Variants in EIF4ENIF1 observed in about 807,000 individuals in gnomAD.
EIF4ENIF1 encodes the protein eukaryotic translation initiation factor 4E transporter.
Under a neutral mutation model 110.5 loss-of-function variants are expected in EIF4ENIF1, and 23 were observed. The ratio of observed to expected loss-of-function variants is 0.21; its 90% CI spans 0.15 to 0.29. The LOEUF (loss-of-function observed/expected upper bound fraction) is 0.29. Ranked by LOEUF, EIF4ENIF1 falls within the 10% of genes least tolerant of loss-of-function variation. The pLI is 1.00. For missense variants in EIF4ENIF1, 1,031 were observed against 1,221.1 expected (o/e 0.84, Z 2.32); for synonymous variants, 440 against 437.0 (o/e 1.01, Z -0.09).
chr22:31,486,920 T>A (rs1415800321), intron 2 of EIF4ENIF1, among the ~76,000 whole-genome samples: 17 of 141,788 alleles, frequency 1.2e-4, no homozygotes, highest in South Asian at 1.1e-3. Context: ...GTCTCTACTA[T>A]AAAAAAAAAA....
downstream of EIF4ENIF1, chr22:31,436,973 T>A (rs566329027): frequency 6.6e-6 from 1 of 152,250 alleles, no homozygotes; most frequent in Non-Finnish European, 1.5e-5. Context: ...TTATCGTCAT[T>A]CTTGGTTTGT....
At chr22:31,484,335 A>G (rs868416391) in intron 2 of EIF4ENIF1, among the ~76,000 whole-genome samples, 1 of 152,148 alleles carries the variant, frequency 6.6e-6, no homozygotes, top group Non-Finnish European at 1.5e-5. Context: ...TGACCAAAAC[A>G]TTTATACTTC....
chr22:31,442,196 C>G, intron 16 of EIF4ENIF1, 78 bp from the exon 17 acceptor site: 1 of 1,141,974 alleles, frequency 8.8e-7, no homozygotes, highest in Non-Finnish European at 1.3e-6. Flanking sequence ...TAATAAATCT[C>G]ATTTCTTAAG....
intron 2 of EIF4ENIF1, among the ~76,000 whole-genome samples, chr22:31,485,738 A>T (rs1435964154): frequency 6.6e-6 from 1 of 152,036 alleles, no homozygotes; most frequent in Non-Finnish European, 1.5e-5. Context: ...CGGGAAGCGG[A>T]GGTTGCAGTG....
At chr22:31,444,933 C>A (rs1319328638) in intron 14 of EIF4ENIF1, among the ~76,000 whole-genome samples, 2 of 152,130 alleles carry the variant, frequency 1.3e-5, no homozygotes, top group Non-Finnish European at 2.9e-5. Context: ...GAGACAATCA[C>A]CTAGAGCAAA....
chr22:31,463,633 C>T (rs775527482), intron 5 of EIF4ENIF1, 48 bp downstream of exon 5: 231 of 1,464,660 alleles, frequency 1.6e-4, no homozygotes, highest in Admixed American at 2.4e-4. Context: ...GCAACAAGAG[C>T]GAAACTCCGT....
At chr22:31,443,218 G>A in intron 15 of EIF4ENIF1, 124 bp from the exon 16 acceptor site, 2 of 1,369,562 alleles carry the variant, frequency 1.5e-6, no homozygotes, top group Non-Finnish European at 2.0e-6. Context: ...GCCAACTGTA[G>A]TATTCTGTTC....
intron 2 of EIF4ENIF1, among the ~76,000 whole-genome samples, chr22:31,485,885 G>A (rs958088492): frequency 1.3e-5 from 2 of 152,148 alleles, no homozygotes; most frequent in African/African-American, 2.4e-5. Context: ...GGAGGCCTAG[G>A]TGGGTGGATC....
At chr22:31,483,182 G>GAAT (rs1443745134) in intron 2 of EIF4ENIF1, among the ~76,000 whole-genome samples, 12 of 144,856 alleles carry the variant, frequency 8.3e-5, no homozygotes, top group Admixed American at 7.7e-4. Context: ...AGAAAAAGTT[G>GAAT]AATGAGCACC....
At chr22:31,440,665 A>C in intron 18 of EIF4ENIF1, 39 bp downstream of exon 18, 2 of 1,598,084 alleles carry the variant, frequency 1.3e-6, no homozygotes, top group South Asian at 1.1e-5. Context: ...AGACTCCCTA[A>C]GTCCGTCCCA....
At chr22:31,452,479 A>G (rs1455385036) in intron 10 of EIF4ENIF1, among the ~76,000 whole-genome samples, 1 of 152,150 alleles carries the variant, frequency 6.6e-6, no homozygotes, top group Non-Finnish European at 1.5e-5. Context: ...CATCAAACCA[A>G]CTGCCCTTAC....
rs1391498225 is a variant in EIF4ENIF1 at position 31,440,116 on chromosome 22, G to A, written c.2722C>T (p.His908Tyr). 1 of 1,614,190 alleles carries A rather than the reference G, an allele frequency of 6.2e-7. No individual in the cohort carries two copies. Among genetic ancestry groups the A allele is most frequent in the Admixed American group, 1.7e-5 (1 of 60,026 alleles). The change falls in exon 19 of 19, where the codon CAT becomes TAT. Residue 908 changes from histidine (H) to tyrosine (Y), a missense_variant. This residue lies in a region of EIF4ENIF1 where 309 missense variants were observed against 299.1 expected (regional missense o/e 1.03). Coordinates refer to ENST00000330125, the MANE Select transcript of EIF4ENIF1 (RefSeq NM_019843.4). Reference sequence around the variant, plus strand: ...GCATGGGAACCAGAGCCTGGAGGATGCAGAACTGTGGAGATAAGAAGGGTT... The same window carrying A: ...GCATGGGAACCAGAGCCTGGAGGATACAGAACTGTGGAGATAAGAAGGGTT... ...VQQQLQRSVL[H>Y]PPGSGSHAAA...
chr22:31,440,856 G>A lies in EIF4ENIF1; in HGVS notation c.2564C>T (p.Pro855Leu), dbSNP rs139184009. ...CTGTAAATGACTCAAGTCCATCCCAGGAGGAAGCACACCTGTTGAGCAGAA... is the reference window on the plus strand; with the variant it reads ...CTGTAAATGACTCAAGTCCATCCCAAGAGGAAGCACACCTGTTGAGCAGAA... ...PSLLQTGVLP[P>L]GMDLSHLQGI... The change falls in exon 18 of 19, where the codon CCT becomes CTT. Residue 855 changes from proline (P) to leucine (L), a missense_variant. By Grantham distance (98) the Pro-to-Leu change is moderately conservative. Around this residue, in one of 3 missense-constraint regions of EIF4ENIF1, gnomAD observed 309 missense variants for 299.1 expected, o/e 1.03. Transcript: ENST00000330125. 1,108 of 1,613,974 alleles carry A rather than the reference G, an allele frequency of 6.9e-4. 3 individuals are homozygous for A. Among genetic ancestry groups the A allele is most frequent in the Admixed American group, 1.1e-3 (65 of 60,002 alleles).
chr22:31,471,703 A>G, intron 3 of EIF4ENIF1, 141 bp downstream of exon 3: 1 of 742,962 alleles, frequency 1.3e-6, no homozygotes. Flanking sequence ...GTTGAAACCC[A>G]TCTTATTACC....
At chr22:31,492,129 TCTCC>T (rs2052291897), upstream of EIF4ENIF1, among the ~76,000 whole-genome samples, 1 of 152,110 alleles carries the variant, frequency 6.6e-6, no homozygotes, top group South Asian at 2.1e-4. Context: ...ACACATGGCC[TCTCC>T]CTGTGTCTGA....
chr22:31,478,184 C>T (rs2051662100), intron 2 of EIF4ENIF1, among the ~76,000 whole-genome samples: 2 of 152,136 alleles, frequency 1.3e-5, no homozygotes, highest in Admixed American at 1.3e-4. Context: ...AGAAGATCCC[C>T]TACTTAAGTG....
chr22:31,461,409 C>G (rs1229811000), intron 6 of EIF4ENIF1, among the ~76,000 whole-genome samples: 2 of 152,134 alleles, frequency 1.3e-5, no homozygotes, highest in African/African-American at 4.8e-5. Flanking sequence ...AGGGAGATAT[C>G]TGACCCCATC....
intron 11 of EIF4ENIF1, among the ~76,000 whole-genome samples, chr22:31,449,799 C>T (rs1469968744): frequency 2.7e-5 from 4 of 150,432 alleles, no homozygotes; most frequent in African/African-American, 2.5e-5. Flanking sequence ...GACATGATCT[C>T]GGCTCACCAC....
At chr22:31,456,482 C>T (rs1438140256) in intron 7 of EIF4ENIF1, among the ~76,000 whole-genome samples, 3 of 151,946 alleles carry the variant, frequency 2.0e-5, no homozygotes, top group Non-Finnish European at 4.4e-5. Context: ...CTTGGCCTCC[C>T]AAAGTGCTGG....
Sources: gnomAD v4.1 joint callset for allele counts (sites outside exome capture counted in the v4.1 genomes callset) on GRCh38, gnomAD v4.1.1 for gene constraint, gnomAD v4.1.1 regional missense constraint, MANE v1.5 for transcripts, NCBI Gene and HGNC (gene_info 2026-07-23, HGNC 2026-07-21) for gene names.